Variants in GPR89A observed in about 807,000 individuals in gnomAD.
GPR89A encodes the protein G protein-coupled receptor 89A.
GPR89A carries 16 observed loss-of-function variants against 52.0 expected under a neutral mutation model. The observed-to-expected ratio is 0.31, with a 90% CI of 0.21 to 0.47. The LOEUF (loss-of-function observed/expected upper bound fraction) is 0.47, where lower values mean the gene tolerates loss of function less well. Among genes scored for constraint, GPR89A ranks in the 20% least tolerant of loss-of-function variants. GPR89A has a pLI of 1.00. For synonymous variants in GPR89A, 55 were observed against 150.9 expected (o/e 0.36, Z 4.66); for missense variants, 135 against 449.4 (o/e 0.30, Z 6.33).
At chr1:145,668,809 C>A (rs1237635939) in intron 12 of GPR89A, among the ~76,000 whole-genome samples, 1 of 152,138 alleles carries the variant, frequency 6.6e-6, no homozygotes, top group Admixed American at 6.5e-5. Context: ...AAGGCCTTTT[C>A]TGCATCTATT....
chr1:145,609,246 C>T (rs1374549697), intron 1 of GPR89A, among the ~76,000 whole-genome samples: 5 of 152,188 alleles, frequency 3.3e-5, no homozygotes, highest in Non-Finnish European at 5.9e-5. Flanking sequence ...TTCTTTGATT[C>T]CGTTTTTGTA....
chr1:145,621,742 A>G (rs587643821), intron 3 of GPR89A, among the ~76,000 whole-genome samples: 2 of 152,232 alleles, frequency 1.3e-5, no homozygotes, highest in South Asian at 4.1e-4. Context: ...ATCATATAAT[A>G]CAATTAAAAA....
chr1:145,663,448 G>A, intron 11 of GPR89A, 24 bp downstream of exon 11: 1 of 1,610,046 alleles, frequency 6.2e-7, no homozygotes, highest in Non-Finnish European at 8.5e-7. Context: ...CAAGATCCTG[G>A]TTTGTCATGT....
chr1:145,651,082 A>G (rs1553693464), intron 10 of GPR89A, among the ~76,000 whole-genome samples: 1 of 152,050 alleles, frequency 6.6e-6, no homozygotes, highest in African/African-American at 2.4e-5. Flanking sequence ...CCATGTCCTG[A>G]ATGGTATTGC....
At chr1:145,636,052 C>T (rs1183332667) in intron 7 of GPR89A, among the ~76,000 whole-genome samples, 1 of 151,990 alleles carries the variant, frequency 6.6e-6, no homozygotes, top group Non-Finnish European at 1.5e-5. Flanking sequence ...TGACTCTGAT[C>T]TATACATACT....
chr1:145,626,931 C>T (rs587774069), intron 5 of GPR89A, among the ~76,000 whole-genome samples: 734 of 46,754 alleles, frequency 0.016, 14 homozygotes, highest in Non-Finnish European at 0.015. Context: ...CCAGCCTGGG[C>T]GACAGAGCGA....
intron 7 of GPR89A, among the ~76,000 whole-genome samples, chr1:145,639,049 C>T (rs1291265068): frequency 6.6e-6 from 1 of 150,774 alleles, no homozygotes; most frequent in Non-Finnish European, 1.5e-5. Context: ...CTTACAATCA[C>T]TCACAAAATG....
chr1:145,619,606 AGAGT>A (rs1384243406), intron 3 of GPR89A, among the ~76,000 whole-genome samples: 1 of 152,148 alleles, frequency 6.6e-6, no homozygotes. Flanking sequence ...CTTAAAAAAA[AGAGT>A]GAGAGAGAGA....
intron 10 of GPR89A, among the ~76,000 whole-genome samples, chr1:145,658,999 A>G: frequency 6.6e-6 from 1 of 151,570 alleles, no homozygotes; most frequent in South Asian, 2.1e-4. Context: ...GCTGGTCTCA[A>G]CTCCTGACCT....
At chr1:145,667,663 T>C (rs1475251374) in intron 12 of GPR89A, among the ~76,000 whole-genome samples, 7 of 152,218 alleles carry the variant, frequency 4.6e-5, no homozygotes, top group African/African-American at 1.7e-4. Context: ...ATGTCCTGAA[T>C]GTTATTGCCT....
In GPR89A at chr1:145,627,613, G is replaced by A. The variant is rs1274892074; in HGVS notation, c.416-3074G>A. Among the ~76,000 whole-genome samples, 6 of 152,292 alleles carry A rather than the reference G, an allele frequency of 3.9e-5. No individual in the cohort carries two copies. The South Asian group carries it at 6.2e-4, about 16-fold the overall frequency. The stretch of plus-strand genomic sequence containing the variant: ...TAAGCACTGGAAATAAACCACAAAC[G>A]AAACAAACTTGGTTTCTGCCCCCCT... On this transcript the variant is annotated intron_variant, in intron 5 of 13. Transcript: ENST00000313835.
At chr1:145,622,137 G>A (rs1571477416) in intron 3 of GPR89A, among the ~76,000 whole-genome samples, 1 of 152,116 alleles carries the variant, frequency 6.6e-6, no homozygotes, top group East Asian at 1.9e-4. Context: ...CATTCCTAGC[G>A]TCTCTATTTA....
chr1:145,654,116 A>G lies in GPR89A; in HGVS notation c.909+6849A>G, dbSNP rs587656698. 5.3e-5 allele frequency among the ~76,000 whole-genome samples: 8 copies of G among 152,236 alleles called. No individual in the cohort carries two copies. The East Asian group carries it at 1.4e-3, about 26-fold the overall frequency. ...TGGCTGGTAATAGTTTTTCCTTTCCATACTTAGTGCTTCCTTCAGGAGTTC... is the reference window on the plus strand; with the variant it reads ...TGGCTGGTAATAGTTTTTCCTTTCCGTACTTAGTGCTTCCTTCAGGAGTTC... On this transcript the variant is annotated intron_variant, in intron 10 of 13. Coordinates refer to ENST00000313835, the MANE Select transcript of GPR89A (RefSeq NM_001097612.2).
At chr1:145,615,444 G>A (rs1269419003) in intron 1 of GPR89A, among the ~76,000 whole-genome samples, 1 of 151,594 alleles carries the variant, frequency 6.6e-6, no homozygotes, top group East Asian at 1.9e-4. Context: ...CCTAGGCTCA[G>A]GTGATCTTCC....
At chr1:145,614,914 G>A (rs1240288885) in intron 1 of GPR89A, among the ~76,000 whole-genome samples, 1 of 151,964 alleles carries the variant, frequency 6.6e-6, no homozygotes, top group Non-Finnish European at 1.5e-5. Flanking sequence ...AGTTTGCTAG[G>A]CAGCAGGGGC....
intron 7 of GPR89A, among the ~76,000 whole-genome samples, chr1:145,633,064 A>G (rs1649991897): frequency 7.0e-6 from 1 of 142,456 alleles, no homozygotes; most frequent in African/African-American, 2.7e-5. Flanking sequence ...ATGTCTATTC[A>G]GGTTCCTTGC....
rs587758083 is a variant in GPR89A, at chr1:145,657,684, C to A, written c.910-5645C>A. 4.0e-5 allele frequency among the ~76,000 whole-genome samples: 6 copies of A among 150,696 alleles called. No homozygotes were observed. The South Asian group carries it at 1.3e-3, about 32-fold the overall frequency. On this transcript the variant is annotated intron_variant, in intron 10 of 13. Transcript: ENST00000313835. ...TTTTTTTAAAGATACAGGGTTTATGCAGGTTATCTATTTCTTCTTGAGTGA... is the reference window on the plus strand; with the variant it reads ...TTTTTTTAAAGATACAGGGTTTATGAAGGTTATCTATTTCTTCTTGAGTGA...
At chr1:145,623,393 C>G (rs1384714375) in intron 4 of GPR89A, among the ~76,000 whole-genome samples, 2 of 152,072 alleles carry the variant, frequency 1.3e-5, no homozygotes, top group African/African-American at 2.4e-5. Flanking sequence ...ATTTTTCTAC[C>G]TATTAATAAT....
intron 10 of GPR89A, among the ~76,000 whole-genome samples, chr1:145,654,626 G>C (rs1553694216): frequency 1.3e-5 from 2 of 151,008 alleles, no homozygotes. Flanking sequence ...TTTCCACTGA[G>C]AGGTGCACTG....
Sources: gnomAD v4.1 joint callset for allele counts (sites outside exome capture counted in the v4.1 genomes callset) on GRCh38, gnomAD v4.1.1 for gene constraint, MANE v1.5 for transcripts, NCBI Gene and HGNC (gene_info 2026-07-23, HGNC 2026-07-21) for gene names.